Variants in PCNT observed in about 807,000 individuals in gnomAD.
PCNT encodes the protein kendrin.
Under a neutral mutation model 380.4 loss-of-function variants are expected in PCNT, and 319 were observed. That is an observed-to-expected ratio of 0.84 (90% CI 0.77 to 0.92). PCNT has a LOEUF of 0.92. PCNT is among the 40% of genes least tolerant of loss of function. PCNT has a pLI of 0.00. For missense variants in PCNT, 4,400 were observed against 4,255.3 expected (o/e 1.03, Z -0.95); for synonymous variants, 1,845 against 1,735.2 (o/e 1.06, Z -1.57).
Position 46,366,753 on chromosome 21 carries a change from T to A in PCNT, c.2779T>A (p.Leu927Met), listed in dbSNP as rs752161383. ...AELEARHQAALGELTASLESK... is the reference protein window; with the variant it reads ...AELEARHQAAMGELTASLESK... Reference sequence around the variant, plus strand: ...GCTCGAGGCCAGACACCAGGCCGCGTTGGGCGAGCTGACAGCCTCCTTAGA... The same window carrying A: ...GCTCGAGGCCAGACACCAGGCCGCGATGGGCGAGCTGACAGCCTCCTTAGA... Residue 927 changes from leucine (L) to methionine (M), a missense_variant, in exon 15 of 47, where the codon TTG (leucine) becomes ATG (methionine). By Grantham distance (15) the Leu-to-Met change is conservative. Coordinates refer to ENST00000359568, the MANE Select transcript of PCNT (RefSeq NM_006031.6). 3.1e-6 allele frequency: 5 copies of A among 1,613,500 alleles called. No individual in the cohort carries two copies. Among genetic ancestry groups the A allele is most frequent in the Admixed American group, 1.7e-5 (1 of 60,024 alleles).
intron 1 of PCNT, among the ~76,000 whole-genome samples, chr21:46,324,520 C>G (rs1367759691): frequency 6.6e-6 from 1 of 150,446 alleles, no homozygotes; most frequent in African/African-American, 2.4e-5. Flanking sequence ...GGCCGGGACG[C>G]GCGGCGCCTC....
At chr21:46,370,391 G>A (rs958048650) in intron 15 of PCNT, among the ~76,000 whole-genome samples, 17 of 152,184 alleles carry the variant, frequency 1.1e-4, no homozygotes, top group African/African-American at 3.4e-4. Flanking sequence ...GAGCCTGGGA[G>A]GTGCGGGGGT....
chr21:46,337,769 A>G (rs1473896408), intron 3 of PCNT, among the ~76,000 whole-genome samples: 1 of 149,832 alleles, frequency 6.7e-6, no homozygotes, highest in Non-Finnish European at 1.5e-5. Flanking sequence ...TTTAGTAGAG[A>G]TGGGGTTTCA....
intron 29 of PCNT, among the ~76,000 whole-genome samples, chr21:46,414,825 GCTC>G (rs948109941): frequency 1.7e-5 from 2 of 118,746 alleles, no homozygotes; most frequent in South Asian, 2.9e-4. Flanking sequence ...CGCCCACCCT[GCTC>G]CTCCTCCTCC....
chr21:46,354,440 T>C (rs1363481004), intron 11 of PCNT, among the ~76,000 whole-genome samples: 1 of 152,236 alleles, frequency 6.6e-6, no homozygotes. Flanking sequence ...TGTTTCTTCC[T>C]TGAGTTGCTT....
intron 2 of PCNT, among the ~76,000 whole-genome samples, chr21:46,328,433 G>A (rs2083455152): frequency 6.6e-6 from 1 of 151,862 alleles, no homozygotes; most frequent in African/African-American, 2.4e-5. Flanking sequence ...TGGGCAGAAA[G>A]TTACTTTTGA....
At chr21:46,392,252 G>A (rs1156506978) in intron 21 of PCNT, among the ~76,000 whole-genome samples, 1 of 151,794 alleles carries the variant, frequency 6.6e-6, no homozygotes, top group African/African-American at 2.4e-5. Flanking sequence ...ATGGAGTCTC[G>A]CTGTGTCCCC....
At chr21:46,433,010 T>C (rs2087833369) in intron 38 of PCNT, among the ~76,000 whole-genome samples, 1 of 152,038 alleles carries the variant, frequency 6.6e-6, no homozygotes. Context: ...TATTTACTTA[T>C]TTATTTTTTG....
intron 44 of PCNT, 34 bp downstream of exon 44, chr21:46,442,607 A>C: frequency 9.0e-5 from 118 of 1,308,396 alleles, no homozygotes; most frequent in Non-Finnish European, 1.2e-4. Context: ...CGCTGGACTC[A>C]CAAACCTTTC....
chr21:46,363,097 G>A (rs1274685121), intron 13 of PCNT, among the ~76,000 whole-genome samples: 1 of 152,308 alleles, frequency 6.6e-6, no homozygotes, highest in East Asian at 1.9e-4. Context: ...TGGGGCTGGC[G>A]TTCCCCTAAC....
intron 15 of PCNT, among the ~76,000 whole-genome samples, chr21:46,370,431 G>A (rs144556070): frequency 3.4e-4 from 52 of 151,858 alleles, no homozygotes; most frequent in African/African-American, 1.2e-3. Flanking sequence ...CCTGGGTGTC[G>A]CGCTAGGCAG....
rs762783876 is a variant in PCNT, at chr21:46,382,110, G to T, written c.3312+270G>T. ...GCATTCATAGTGTTCTGCATTCAGT[G>T]GCAGAAGCACATTCACGGTGTTGTG... On this transcript the variant is annotated intron_variant, in intron 16 of 46. Transcript: ENST00000359568. Among the ~76,000 whole-genome samples, 24 of 146,306 alleles carry T rather than the reference G, an allele frequency of 1.6e-4. 2 individuals are homozygous for T. The highest frequency in any genetic ancestry group is 3.2e-4 in the Non-Finnish European group (21 of 66,264).
At chr21:46,350,756 T>C (rs1198229016) in intron 8 of PCNT, among the ~76,000 whole-genome samples, 1 of 151,938 alleles carries the variant, frequency 6.6e-6, no homozygotes, top group African/African-American at 2.4e-5. Flanking sequence ...ACACCCCCAG[T>C]CTCTCCCTGG....
rs773866470 is a variant in PCNT at position 46,363,731 on chromosome 21, A to G, written c.2406A>G (p.Gln802=). 2.5e-6 allele frequency: 4 copies of G among 1,614,216 alleles called. No homozygotes were observed. The highest frequency in any genetic ancestry group is 3.4e-6 in the Non-Finnish European group (4 of 1,180,030). Residue 802 remains glutamine, a synonymous_variant, in exon 14 of 47, where the codon CAA becomes CAG. Transcript: ENST00000359568. ...REAEMRQLQD[Q]QAAQILDLER... is the part of the protein sequence containing the mutation. Reference sequence around the variant, plus strand: ...CTGAAATGAGGCAGCTTCAGGACCAACAGGCAGCCCAGATCCTGGATCTGG... The same window carrying G: ...CTGAAATGAGGCAGCTTCAGGACCAGCAGGCAGCCCAGATCCTGGATCTGG...
chr21:46,384,488 T>C (rs2085749208), intron 16 of PCNT, among the ~76,000 whole-genome samples: 1 of 147,538 alleles, frequency 6.8e-6, no homozygotes, highest in Admixed American at 6.8e-5. Context: ...AGAAGCGCAT[T>C]CACGGTGTTG....
At position 46,348,535 on chromosome 21, in the gene PCNT, G is replaced by A. The variant is rs949645943; in HGVS notation, c.1033-477G>A. 1.6e-4 allele frequency among the ~76,000 whole-genome samples: 24 copies of A among 152,206 alleles called. No homozygotes were observed. The East Asian group carries it at 3.5e-3, about 22-fold the overall frequency. ...AACTGCTTGCCTCCTGGATGCTTCT[G>A]CTTTTCTGTCCTGCCAGCATTCAGG... On this transcript the variant is annotated intron_variant, in intron 6 of 46. Coordinates refer to ENST00000359568, the MANE Select transcript of PCNT (RefSeq NM_006031.6).
chr21:46,412,124 T>TTAA, intron 28 of PCNT, 57 bp downstream of exon 28: 1 of 1,566,714 alleles, frequency 6.4e-7, no homozygotes, highest in African/African-American at 1.3e-5. Context: ...CTTTTCTCCT[T>TTAA]TGATGTCAAT....
At chr21:46,405,953 C>A (rs557194428) in intron 27 of PCNT, among the ~76,000 whole-genome samples, 3 of 152,146 alleles carry the variant, frequency 2.0e-5, no homozygotes, top group Admixed American at 6.5e-5. Flanking sequence ...TTCTGTAATT[C>A]TCCTAATTTT....
intron 37 of PCNT, 176 bp downstream of exon 37, chr21:46,430,833 G>A: frequency 2.0e-6 from 2 of 985,460 alleles, no homozygotes; most frequent in South Asian, 4.7e-5. Flanking sequence ...TTGGTGTAGT[G>A]GCAGCCACCA....
Sources: allele counts gnomAD v4.1 joint callset (sites outside exome capture counted in the v4.1 genomes callset), GRCh38; gene constraint gnomAD v4.1.1; transcripts MANE v1.5; gene names NCBI Gene and HGNC (gene_info 2026-07-23, HGNC 2026-07-21).